P4HA3: variants seen among roughly 807,000 people sequenced by gnomAD.
P4HA3 encodes prolyl 4-hydroxylase subunit alpha 3.
A neutral mutation model predicts 66.7 loss-of-function variants in P4HA3; 60 were observed. The ratio of observed to expected loss-of-function variants is 0.90; its 90% CI spans 0.73 to 1.12. The LOEUF (loss-of-function observed/expected upper bound fraction) is 1.12. P4HA3 is among the 50% of genes most tolerant of loss of function. P4HA3 has a pLI of 0.00. For synonymous variants in P4HA3, 263 were observed against 274.6 expected, an observed-to-expected ratio of 0.96 and a Z score of 0.42; for missense variants, 683 against 685.8, an observed-to-expected ratio of 1.00 and a Z score of 0.05.
chr11:74,255,861 C>G (rs1483496649), intron 15 of P4HA3: 1 of 460,458 alleles, frequency 2.2e-6, no homozygotes, highest in Non-Finnish European at 4.3e-6. Flanking sequence ...CAGGGTAGTT[C>G]ATGAGCTCCC....
In P4HA3 at chr11:74,297,930, G is replaced by A. The variant is rs953503388; in HGVS notation, c.717+282C>T. ...CAGGTGACAAACTGCCTCCTACATG[G>A]GAAATAATGATTGTAAAGTAGTCAA... On this transcript the variant is annotated intron_variant, in intron 4 of 12. Coordinates refer to ENST00000331597, the MANE Select transcript of P4HA3 (RefSeq NM_182904.5). Among the ~76,000 whole-genome samples, 3 of 152,154 alleles carry A rather than the reference G, an allele frequency of 2.0e-5. No individual in the cohort carries two copies. The South Asian group carries it at 6.2e-4, about 32-fold the overall frequency.
chr11:74,283,776 G>A (rs1020599983), intron 7 of P4HA3, among the ~76,000 whole-genome samples: 1 of 152,164 alleles, frequency 6.6e-6, no homozygotes, highest in African/African-American at 2.4e-5. Flanking sequence ...TTCTTTCTCT[G>A]ATAGATGTCA....
chr11:74,258,298 T>C (rs759804206), intron 15 of P4HA3, among the ~76,000 whole-genome samples: 51 of 152,154 alleles, frequency 3.4e-4, no homozygotes, highest in Non-Finnish European at 5.9e-4. Flanking sequence ...GCTGGATTCT[T>C]CCAGGTGCAG....
chr11:74,307,621 A>T (rs188878234), intron 1 of P4HA3, among the ~76,000 whole-genome samples: 9 of 152,366 alleles, frequency 5.9e-5, no homozygotes, highest in Admixed American at 3.3e-4. Context: ...AGCGGTTTCC[A>T]GAGACTGGAA....
chr11:74,295,471 T>C (rs1246327866), intron 4 of P4HA3, among the ~76,000 whole-genome samples: 1 of 152,210 alleles, frequency 6.6e-6, no homozygotes, highest in Non-Finnish European at 1.5e-5. Flanking sequence ...CACTTTACTT[T>C]AGCATATTAA....
chr11:74,291,241 CTGTT>C (rs1861011562), intron 4 of P4HA3, among the ~76,000 whole-genome samples: 1 of 152,294 alleles, frequency 6.6e-6, no homozygotes, highest in East Asian at 1.9e-4. Context: ...ATTTGGCTCT[CTGTT>C]TGTCTGTTAT....
intron 9 of P4HA3, among the ~76,000 whole-genome samples, chr11:74,275,583 T>C (rs1860367133): frequency 6.6e-6 from 1 of 152,248 alleles, no homozygotes; most frequent in East Asian, 1.9e-4. Context: ...TAGCTCTATA[T>C]TAAGTTTTGA....
At chr11:74,304,516 T>C in intron 1 of P4HA3, 104 bp from the exon 2 acceptor site, 2 of 1,311,236 alleles carry the variant, frequency 1.5e-6, no homozygotes, top group Non-Finnish European at 2.1e-6. Context: ...ACTGACATGC[T>C]GAACCTCTTG....
intron 15 of P4HA3, chr11:74,253,697 C>T: frequency 1.5e-6 from 1 of 672,716 alleles, no homozygotes; most frequent in Non-Finnish European, 2.6e-6. Flanking sequence ...TTCCAGGGCC[C>T]TTGACCAACA....
chr11:74,292,693 T>C (rs1303590455), intron 4 of P4HA3, among the ~76,000 whole-genome samples: 1 of 152,216 alleles, frequency 6.6e-6, no homozygotes, highest in Non-Finnish European at 1.5e-5. Context: ...CTGCCTTCAT[T>C]TCATTATTTA....
At position 74,269,692 on chromosome 11, in the gene P4HA3, GT is replaced by G; in HGVS notation, c.1426del (p.Thr476GlnfsTer132). 6.2e-7 allele frequency: 1 copy of G among 1,613,972 alleles called. No homozygotes were observed. The highest frequency in any genetic ancestry group is 2.2e-5 in the East Asian group (1 of 44,868). ...GCTGAGGTTGGCATAGATGAAGGCT[GT>G]GGCTCCTCCAGCTTCCACCGAGCTC... ...YLSSVEAGGA[T>X]AFIYANLSVP... On this transcript the variant is annotated frameshift_variant, in exon 11 of 13. Transcript: ENST00000331597. LOFTEE classifies it high-confidence loss of function.
intron 7 of P4HA3, chr11:74,285,490 CA>C: frequency 4.6e-6 from 1 of 219,162 alleles, no homozygotes; most frequent in Non-Finnish European, 9.0e-6. Context: ...ATGATATACA[CA>C]GGTCTCAAGT....
chr11:74,255,946 C>T (rs1320937086), intron 15 of P4HA3: 1 of 516,972 alleles, frequency 1.9e-6, no homozygotes, highest in Non-Finnish European at 3.9e-6. Flanking sequence ...CTTTGCTGAG[C>T]TATGTGCCCT....
chr11:74,305,529 C>T (rs959419380), intron 1 of P4HA3, among the ~76,000 whole-genome samples: 17 of 152,042 alleles, frequency 1.1e-4, no homozygotes, highest in African/African-American at 4.1e-4. Flanking sequence ...GCTGATTATG[C>T]TATATGGTTT....
At chr11:74,290,604 C>T (rs1048721880) in intron 4 of P4HA3, among the ~76,000 whole-genome samples, 2 of 151,850 alleles carry the variant, frequency 1.3e-5, no homozygotes, top group Non-Finnish European at 2.9e-5. Flanking sequence ...TTTAATCCAT[C>T]TTGAATTAAT....
At chr11:74,290,369 G>A (rs763186254) in intron 4 of P4HA3, among the ~76,000 whole-genome samples, 5,567 of 150,010 alleles carry the variant, frequency 0.037, 102 homozygotes, top group Middle Eastern at 0.1. Flanking sequence ...AGTAGGTTGC[G>A]AAAATTTTCT....
intron 15 of P4HA3, chr11:74,251,301 T>A (rs747521755): frequency 3.7e-6 from 5 of 1,364,126 alleles, no homozygotes; most frequent in Non-Finnish European, 4.7e-6. Context: ...AAGCCAGAGA[T>A]GGAAGAGGGA....
chr11:74,306,438 C>T (rs1861582735), intron 1 of P4HA3, among the ~76,000 whole-genome samples: 1 of 152,076 alleles, frequency 6.6e-6, no homozygotes, highest in Admixed American at 6.5e-5. Context: ...GATTAAGGTA[C>T]TATTCCTGCT....
intron 4 of P4HA3, among the ~76,000 whole-genome samples, chr11:74,290,481 G>T (rs1018336906): frequency 5.3e-5 from 8 of 150,806 alleles, no homozygotes; most frequent in African/African-American, 2.0e-4. Context: ...GTCTTTTGTT[G>T]CCATTGCTTT....
Sources: allele counts gnomAD v4.1 joint callset (sites outside exome capture counted in the v4.1 genomes callset), GRCh38; gene constraint gnomAD v4.1.1; transcripts MANE v1.5; gene names NCBI Gene and HGNC (gene_info 2026-07-23, HGNC 2026-07-21).